Variants in ARHGEF7 observed in about 807,000 individuals in gnomAD.
ARHGEF7 encodes the protein Rho guanine nucleotide exchange factor 7.
ARHGEF7 carries 33 observed loss-of-function variants against 109.8 expected under a neutral mutation model. The ratio of observed to expected loss-of-function variants is 0.30; its 90% confidence interval spans 0.23 to 0.40. ARHGEF7 has a LOEUF of 0.40. Among genes scored for constraint, ARHGEF7 ranks in the 10% least tolerant of loss-of-function variants. ARHGEF7 has a pLI of 1.00. For synonymous variants in ARHGEF7, 458 were observed against 424.6 expected (o/e 1.08, Z -0.97); for missense variants, 938 against 1,098.5 (o/e 0.85, Z 2.07).
At chr13:111,233,059 A>G (rs1457159001) in intron 5 of ARHGEF7, 146 bp from the exon 6 acceptor site, 3 of 671,626 alleles carry the variant, frequency 4.5e-6, no homozygotes, top group Non-Finnish European at 7.9e-6. Context: ...ACTGAGGGTC[A>G]CTGTGGATGG....
chr13:111,218,742 C>T (rs1473262065), intron 5 of ARHGEF7, among the ~76,000 whole-genome samples: 2 of 152,038 alleles, frequency 1.3e-5, no homozygotes, highest in Admixed American at 6.6e-5. Flanking sequence ...CTCCCTTGTG[C>T]GGTCTTGTGG....
rs375933920 is a variant in ARHGEF7, at chr13:111,190,126, T to C, written c.253-15163T>C. On this transcript the variant is annotated intron_variant, in intron 2 of 21. Coordinates refer to ENST00000646102, the MANE Select transcript of ARHGEF7 (RefSeq NM_001354046.2). The stretch of plus-strand genomic sequence containing the variant: ...AGGGGCCCTTGGTAGAAGTTGTTAG[T>C]TGAGCTCATTTGGGGTTCCATTTGT... Among the ~76,000 whole-genome samples, 79 of 152,300 alleles carry C rather than the reference T, an allele frequency of 5.2e-4. No homozygotes were observed. The South Asian group carries it at 0.016, about 31-fold the overall frequency.
At chr13:111,197,254 C>A (rs148402945) in intron 2 of ARHGEF7, among the ~76,000 whole-genome samples, 3 of 151,486 alleles carry the variant, frequency 2.0e-5, no homozygotes, top group Non-Finnish European at 2.9e-5. Context: ...CACCTCTTGC[C>A]CAAGAACCCT....
intron 8 of ARHGEF7, among the ~76,000 whole-genome samples, chr13:111,256,039 A>G (rs1286156179): frequency 6.6e-6 from 1 of 152,226 alleles, no homozygotes; most frequent in Admixed American, 6.5e-5. Flanking sequence ...GCTGGAGGCA[A>G]CTTATTTTTA....
Position 111,272,871 on chromosome 13 carries a change from T to A in ARHGEF7, c.1074-943T>A, listed in dbSNP as rs1283636887. On this transcript the variant is annotated intron_variant, in intron 9 of 21. Coordinates refer to ENST00000646102, the MANE Select transcript of ARHGEF7 (RefSeq NM_001354046.2). This position sits in a 1 kb window ranked among gnomAD's most constrained non-coding sequence, Gnocchi z 5.2. ...TGTTGCGGTCAGGTGACTGTCAGCC[T>A]TAACAAACGTGTGGGTGAAGAGCTG... Among the ~76,000 whole-genome samples, 1 of 152,120 alleles carries A rather than the reference T, an allele frequency of 6.6e-6. No individual in the cohort carries two copies. The highest frequency in any genetic ancestry group is 1.5e-5 in the Non-Finnish European group (1 of 68,024).
At chr13:111,195,095 C>G (rs1293863915) in intron 2 of ARHGEF7, among the ~76,000 whole-genome samples, 2 of 152,190 alleles carry the variant, frequency 1.3e-5, no homozygotes, top group African/African-American at 4.8e-5. Flanking sequence ...AAATGTTTAA[C>G]AATATCCTGT....
chr13:111,293,847 G>C, intron 19 of ARHGEF7: 1 of 985,384 alleles, frequency 1.0e-6, no homozygotes, highest in Non-Finnish European at 1.2e-6. Context: ...CTCTGATGCA[G>C]TATCAGTCTT....
At chr13:111,127,487 C>G (rs2067645980) in intron 1 of ARHGEF7, among the ~76,000 whole-genome samples, 1 of 151,514 alleles carries the variant, frequency 6.6e-6, no homozygotes, top group African/African-American at 2.4e-5. Flanking sequence ...CTCCCCCCAT[C>G]ACTACAAAAA....
chr13:111,265,124 CAAAAAAAA>C (rs976877106), intron 8 of ARHGEF7, among the ~76,000 whole-genome samples: 1 of 69,464 alleles, frequency 1.4e-5, no homozygotes, highest in Non-Finnish European at 2.7e-5. Flanking sequence ...AACTCCATCT[CAAAAAAAA>C]AAAAAAAAAA....
intron 1 of ARHGEF7, among the ~76,000 whole-genome samples, chr13:111,150,702 G>T (rs138403457): frequency 4.6e-5 from 7 of 152,164 alleles, no homozygotes; most frequent in African/African-American, 1.4e-4. Flanking sequence ...CCTTGTTGGC[G>T]TCAAGAGCCT....
chr13:111,261,018 A>G (rs1413864306), intron 8 of ARHGEF7, among the ~76,000 whole-genome samples: 2 of 152,204 alleles, frequency 1.3e-5, no homozygotes, highest in African/African-American at 4.8e-5. Context: ...CAAGAAATTA[A>G]AACATAAAAC....
intron 2 of ARHGEF7, chr13:111,159,233 G>T: frequency 1.6e-6 from 1 of 614,472 alleles, no homozygotes; most frequent in Non-Finnish European, 2.9e-6. Context: ...TTAAAAGTCT[G>T]ACTAGTATTC....
At chr13:111,156,165 G>GT (rs2076313970) in intron 2 of ARHGEF7, among the ~76,000 whole-genome samples, 1 of 151,140 alleles carries the variant, frequency 6.6e-6, no homozygotes, top group Non-Finnish European at 1.5e-5. Flanking sequence ...ATTTCATACA[G>GT]TAACTATTGT....
At chr13:111,201,182 A>G (rs2081175966) in intron 2 of ARHGEF7, among the ~76,000 whole-genome samples, 1 of 152,144 alleles carries the variant, frequency 6.6e-6, no homozygotes, top group African/African-American at 2.4e-5. Flanking sequence ...CCGACCTACG[A>G]TTGCAGAAAT....
intron 2 of ARHGEF7, among the ~76,000 whole-genome samples, chr13:111,169,103 G>C (rs893245875): frequency 2.6e-5 from 4 of 152,176 alleles, no homozygotes; most frequent in Non-Finnish European, 5.9e-5. Flanking sequence ...CTTACTGTGG[G>C]GTTGTGCCAG....
At chr13:111,290,692 C>T (rs6492351) in intron 18 of ARHGEF7, among the ~76,000 whole-genome samples, 136,660 of 152,334 alleles carry the variant, frequency 0.9, 61,349 homozygotes, top group Admixed American at 0.93. Flanking sequence ...GTATTCTGTA[C>T]TTCCATTTCT....
chr13:111,133,772 TATATATATATATA>T (rs2074921579), intron 1 of ARHGEF7, among the ~76,000 whole-genome samples: 3 of 13,968 alleles, frequency 2.1e-4, no homozygotes, highest in African/African-American at 1.0e-3. Flanking sequence ...TTTATATATA[TATATATATATATA>T]TATATATATA....
intron 8 of ARHGEF7, among the ~76,000 whole-genome samples, chr13:111,264,042 C>T (rs752257036): frequency 9.2e-5 from 14 of 152,318 alleles, no homozygotes; most frequent in South Asian, 4.1e-4. Context: ...TGGCTAATCC[C>T]GGTAGGTTGT....
chr13:111,271,366 G>A (rs1595397316), intron 9 of ARHGEF7, among the ~76,000 whole-genome samples: 1 of 152,188 alleles, frequency 6.6e-6, no homozygotes, highest in Non-Finnish European at 1.5e-5. Flanking sequence ...GGATGCTGAG[G>A]AAAGAAGGCA....
Sources: gnomAD v4.1 joint callset for allele counts (sites outside exome capture counted in the v4.1 genomes callset) on GRCh38, gnomAD v4.1.1 for gene constraint, Gnocchi (gnomAD v3.1) non-coding constraint, MANE v1.5 for transcripts, NCBI Gene and HGNC (gene_info 2026-07-23, HGNC 2026-07-21) for gene names.